LEMD3: variants seen among roughly 807,000 people sequenced by gnomAD.
LEMD3 encodes inner nuclear membrane protein Man1.
LEMD3 carries 33 observed loss-of-function variants against 95.2 expected under a neutral mutation model. The observed-to-expected ratio is 0.35, with a 90% CI of 0.26 to 0.46. The LOEUF is 0.46. Ranked by LOEUF, LEMD3 falls within the 20% of genes least tolerant of loss-of-function variation. The probability of loss-of-function intolerance (pLI) is 1.00; values close to 1 mark genes in which losing one functional copy is unlikely to be tolerated. For missense variants in LEMD3, 1,210 were observed against 1,192.8 expected, an observed-to-expected ratio of 1.01 and a Z score of -0.21; for synonymous variants, 525 against 474.6, an observed-to-expected ratio of 1.11 and a Z score of -1.38.
At chr12:65,199,153 ATGAG>A (rs1869519214) in intron 1 of LEMD3, among the ~76,000 whole-genome samples, 1 of 152,088 alleles carries the variant, frequency 6.6e-6, no homozygotes, top group African/African-American at 2.4e-5. Context: ...CTTTTTTTGA[ATGAG>A]GACTTCAGTT....
At chr12:65,229,356 C>T (rs992663022) in intron 4 of LEMD3, among the ~76,000 whole-genome samples, 15 of 151,918 alleles carry the variant, frequency 9.9e-5, no homozygotes, top group African/African-American at 3.4e-4. Flanking sequence ...GTACAGATAC[C>T]TCTTTTCACT....
At chr12:65,196,530 GT>G (rs11365261) in intron 1 of LEMD3, among the ~76,000 whole-genome samples, 5,703 of 152,124 alleles carry the variant, frequency 0.037, 351 homozygotes, top group African/African-American at 0.13. Flanking sequence ...GTTCCAGATG[GT>G]TGGAGTTCTA....
chr12:65,232,857 C>T (rs1164537678), intron 4 of LEMD3, among the ~76,000 whole-genome samples: 4 of 152,048 alleles, frequency 2.6e-5, no homozygotes, highest in African/African-American at 7.2e-5. Context: ...TAACCTTTAA[C>T]ACAATGAATA....
At chr12:65,215,021 T>C (rs1475445031) in intron 2 of LEMD3, among the ~76,000 whole-genome samples, 1 of 152,200 alleles carries the variant, frequency 6.6e-6, no homozygotes, top group Non-Finnish European at 1.5e-5. Flanking sequence ...GTAGTATTCC[T>C]GATGCACAAG....
intron 1 of LEMD3, among the ~76,000 whole-genome samples, chr12:65,209,916 C>A (rs974316476): frequency 2.6e-5 from 4 of 151,930 alleles, no homozygotes; most frequent in Non-Finnish European, 4.4e-5. Flanking sequence ...TTTGTAAGAT[C>A]AGTTAGTCTT....
chr12:65,184,441 A>G (rs1868997709), intron 1 of LEMD3, among the ~76,000 whole-genome samples: 1 of 152,180 alleles, frequency 6.6e-6, no homozygotes, highest in African/African-American at 2.4e-5. Flanking sequence ...AGTTTAGGGA[A>G]TCAGAGCATT....
intron 2 of LEMD3, among the ~76,000 whole-genome samples, chr12:65,215,356 A>T (rs1870076058): frequency 3.9e-5 from 6 of 152,204 alleles, no homozygotes; most frequent in Admixed American, 3.3e-4. Flanking sequence ...ATTACTCTGC[A>T]GTTGTATAAC....
intron 4 of LEMD3, among the ~76,000 whole-genome samples, chr12:65,230,501 T>C (rs1028018337): frequency 6.6e-6 from 1 of 152,170 alleles, no homozygotes; most frequent in Non-Finnish European, 1.5e-5. Context: ...GTAGGTATTT[T>C]ATTCATTTAT....
chr12:65,221,195 T>G (rs1185533655), intron 4 of LEMD3, among the ~76,000 whole-genome samples: 2 of 112,326 alleles, frequency 1.8e-5, no homozygotes, highest in Non-Finnish European at 4.0e-5. Context: ...TTTTTTTTTT[T>G]GTAGTTTTCA....
Position 65,170,937 on chromosome 12 carries a change from C to G in LEMD3, c.1341C>G (p.Ser447=). The part of the protein sequence containing the change: ...LKNTYNKPKL[S]EPEEELLQQF... ...ACACATACAACAAACCGAAGCTTTCCGAACCCGAAGAGGAACTTCTCCAGC... is the reference window on the plus strand; with the variant it reads ...ACACATACAACAAACCGAAGCTTTCGGAACCCGAAGAGGAACTTCTCCAGC... The change falls in exon 1 of 13, where the codon TCC becomes TCG. Residue 447 remains serine, a synonymous_variant. Coordinates refer to ENST00000308330, the MANE Select transcript of LEMD3 (RefSeq NM_014319.5). 6.2e-7 allele frequency: 1 copy of G among 1,614,196 alleles called. No homozygotes were observed. The highest frequency in any genetic ancestry group is 1.1e-5 in the South Asian group (1 of 91,084).
chr12:65,246,254 A>C lies in LEMD3; in HGVS notation c.2665A>C (p.Asn889His). ...TTCCAACACTCCATTGAAGCCATCA[A>C]ATAAACATATGAACTCCATGTCTCA... Reference protein sequence around the residue: ...LTSNTPLKPSNKHMNSMSHLR... With the variant: ...LTSNTPLKPSHKHMNSMSHLR... The change falls in exon 13 of 13, where the codon AAT becomes CAT. Residue 889 changes from asparagine to histidine, a missense_variant. This residue lies in a region of LEMD3 where 461 missense variants were observed against 569.8 expected (regional missense o/e 0.81). Transcript: ENST00000308330. 2 of 1,613,496 alleles carry C rather than the reference A, an allele frequency of 1.2e-6. No homozygotes were observed. The highest frequency in any genetic ancestry group is 2.2e-5 in the East Asian group (1 of 44,858).
At chr12:65,239,598 G>T (rs1870871338) in intron 6 of LEMD3, among the ~76,000 whole-genome samples, 1 of 152,028 alleles carries the variant, frequency 6.6e-6, no homozygotes, top group African/African-American at 2.4e-5. Flanking sequence ...GTAAGATTTA[G>T]TATGTTTAAT....
At chr12:65,229,937 T>C (rs932104268) in intron 4 of LEMD3, among the ~76,000 whole-genome samples, 1 of 152,204 alleles carries the variant, frequency 6.6e-6, no homozygotes, top group Non-Finnish European at 1.5e-5. Flanking sequence ...TTTAGTACTT[T>C]AATAATTTTA....
chr12:65,229,502 G>A (rs935506133), intron 4 of LEMD3, among the ~76,000 whole-genome samples: 1 of 152,174 alleles, frequency 6.6e-6, no homozygotes, highest in Non-Finnish European at 1.5e-5. Flanking sequence ...CCCACCAACA[G>A]TGGATAAGAG....
At chr12:65,239,600 A>G (rs570130134) in intron 6 of LEMD3, among the ~76,000 whole-genome samples, 2 of 152,222 alleles carry the variant, frequency 1.3e-5, no homozygotes, top group Admixed American at 1.3e-4. Context: ...AAGATTTAGT[A>G]TGTTTAATCT....
chr12:65,200,871 C>T (rs1032756797), intron 1 of LEMD3, among the ~76,000 whole-genome samples: 5 of 152,078 alleles, frequency 3.3e-5, no homozygotes, highest in African/African-American at 1.2e-4. Context: ...TCTAAAAAGT[C>T]ATTGCCAAAC....
chr12:65,179,615 T>C (rs1868838198), intron 1 of LEMD3, among the ~76,000 whole-genome samples: 2 of 152,182 alleles, frequency 1.3e-5, no homozygotes, highest in African/African-American at 2.4e-5. Flanking sequence ...AATGAAGATA[T>C]ATTCTAGGGG....
chr12:65,178,654 A>T (rs1049721469), intron 1 of LEMD3, among the ~76,000 whole-genome samples: 11 of 152,342 alleles, frequency 7.2e-5, no homozygotes, highest in African/African-American at 2.6e-4. Flanking sequence ...ACTGAGCTAA[A>T]CAATTATTAT....
chr12:65,186,590 A>G (rs909445881), intron 1 of LEMD3, among the ~76,000 whole-genome samples: 5 of 151,444 alleles, frequency 3.3e-5, no homozygotes, highest in Non-Finnish European at 5.9e-5. Flanking sequence ...ATGCATTTAA[A>G]AAAATAGGAG....
Sources: allele counts gnomAD v4.1 joint callset (sites outside exome capture counted in the v4.1 genomes callset), GRCh38; gene constraint gnomAD v4.1.1; regional missense constraint gnomAD v4.1.1; transcripts MANE v1.5; gene names NCBI Gene and HGNC (gene_info 2026-07-23, HGNC 2026-07-21).